Variants in MACF1 observed in about 807,000 individuals in gnomAD.
The protein encoded by MACF1 is microtubule actin crosslinking factor 1, also known as microtubule-actin cross-linking factor 1.
A neutral mutation model predicts 854.8 loss-of-function variants in MACF1; 193 were observed. The ratio of observed to expected loss-of-function variants is 0.23; its 90% CI spans 0.20 to 0.25. The LOEUF (loss-of-function observed/expected upper bound fraction) is 0.25, where lower values mean the gene tolerates loss of function less well. Among genes scored for constraint, MACF1 ranks in the 10% least tolerant of loss-of-function variants. The probability of loss-of-function intolerance (pLI) is 1.00; values close to 1 mark genes in which losing one functional copy is unlikely to be tolerated. For synonymous variants in MACF1, 3,185 were observed against 3,226.7 expected (o/e 0.99, Z 0.44); for missense variants, 7,722 against 8,929.1 (o/e 0.86, Z 5.45).
intron 58 of MACF1, among the ~76,000 whole-genome samples, chr1:39,418,846 G>A (rs1003913383): frequency 4.6e-5 from 7 of 151,434 alleles, no homozygotes; most frequent in African/African-American, 9.7e-5. Context: ...CTGGGCAACA[G>A]TGTGAGACCC....
At chr1:39,103,885 C>T (rs1366711917) in intron 2 of MACF1, among the ~76,000 whole-genome samples, 1 of 152,204 alleles carries the variant, frequency 6.6e-6, no homozygotes, top group Non-Finnish European at 1.5e-5. Flanking sequence ...AAACAACCAG[C>T]ATGCACCTAT....
Position 39,324,322 on chromosome 1 carries a change from G to A in MACF1, c.4366G>A (p.Glu1456Lys). 6.2e-7 allele frequency: 1 copy of A among 1,613,706 alleles called. No homozygotes were observed. Among genetic ancestry groups the A allele is most frequent in the Non-Finnish European group, 8.5e-7 (1 of 1,179,822 alleles). Residue 1456 changes from glutamate to lysine, a missense_variant, in exon 34 of 101, where the codon GAA becomes AAA. By Grantham distance (56) the Glu-to-Lys change is moderately conservative. Transcript: ENST00000564288. ...CGAGACCAAAGAATCAACAGACATT[G>A]AAAAAGCTATTTTGGAACAGCAGGT... Reference protein sequence around the residue: ...SSETKESTDIEKAILEQQVLS... With the variant: ...SSETKESTDIKKAILEQQVLS...
intron 66 of MACF1, among the ~76,000 whole-genome samples, chr1:39,431,289 G>GAATCAAGAACTCT (rs144853034): frequency 6.6e-6 from 1 of 151,858 alleles, no homozygotes; most frequent in African/African-American, 2.4e-5. Flanking sequence ...GAGGGGGAAG[G>GAATCAAGAACTCT]AATTACTATC....
chr1:39,391,004 G>T (rs964480173), intron 58 of MACF1, among the ~76,000 whole-genome samples: 1 of 151,828 alleles, frequency 6.6e-6, no homozygotes, highest in Non-Finnish European at 1.5e-5. Flanking sequence ...CCAGCTACTC[G>T]GGAGGCTGAG....
chr1:39,216,696 C>A (rs1394534062), intron 1 of MACF1, among the ~76,000 whole-genome samples: 2 of 150,266 alleles, frequency 1.3e-5, no homozygotes, highest in Non-Finnish European at 3.0e-5. Flanking sequence ...TTTTATCTTT[C>A]CTGTATCATT....
At position 39,171,861 on chromosome 1, in the gene MACF1, C is replaced by T. The variant is rs192778074; in HGVS notation, c.221-59321C>T. On this transcript the variant is annotated intron_variant, in intron 2 of 93. Coordinates refer to the MACF1 transcript ENST00000361689. ...TAGGATGGTCTCGATCTCCTGACCT[C>T]GTGATCCGCCCGCCTCAGCCTCTCA... 1.2e-3 allele frequency among the ~76,000 whole-genome samples: 189 copies of T among 152,246 alleles called. 5 individuals are homozygous for T. The East Asian group carries it at 0.033, about 27-fold the overall frequency.
intron 99 of MACF1, among the ~76,000 whole-genome samples, chr1:39,483,095 A>G (rs1478208421): frequency 1.4e-5 from 2 of 141,218 alleles, no homozygotes; most frequent in East Asian, 2.9e-4. Flanking sequence ...TCAAAAAAAA[A>G]AAAAAAAAAA....
intron 70 of MACF1, chr1:39,436,602 A>T: frequency 1.0e-6 from 1 of 999,492 alleles, no homozygotes; most frequent in Non-Finnish European, 1.6e-6. Flanking sequence ...TAATTAGTGC[A>T]GTTTATTATG....
chr1:39,443,599 G>A (rs781464151), intron 79 of MACF1, 25 bp downstream of exon 79: 4 of 1,580,844 alleles, frequency 2.5e-6, no homozygotes, highest in Non-Finnish European at 2.6e-6. Flanking sequence ...TTGAAATTGA[G>A]CATAAGCATC....
chr1:39,380,424 G>A, intron 55 of MACF1, 51 bp downstream of exon 55: 1 of 1,549,044 alleles, frequency 6.5e-7, no homozygotes, highest in East Asian at 2.3e-5. Flanking sequence ...TGTCTTCAAA[G>A]CAAGTAGAGA....
chr1:39,281,838 A>G (rs1447260464), intron 6 of MACF1, among the ~76,000 whole-genome samples: 1 of 152,182 alleles, frequency 6.6e-6, no homozygotes, highest in South Asian at 2.1e-4. Flanking sequence ...TATATTTCTG[A>G]TGACTTCCTA....
intron 28 of MACF1, among the ~76,000 whole-genome samples, 161 bp downstream of exon 28, chr1:39,316,690 G>C (rs1646417114): frequency 6.6e-6 from 1 of 152,188 alleles, no homozygotes; most frequent in South Asian, 2.1e-4. Flanking sequence ...AAGAAGAAGG[G>C]ACTGAGAAGT....
Position 39,357,837 on chromosome 1 carries a change from T to C in MACF1, c.11887T>C (p.Leu3963=). The C allele has an allele frequency of 1.9e-6, 3 of 1,614,064 alleles. No homozygotes were observed. The highest frequency in any genetic ancestry group is 2.5e-6 in the Non-Finnish European group (3 of 1,180,006). Residue 3963 remains leucine (L), a synonymous_variant, in exon 45 of 101, where the codon TTA becomes CTA. Transcript: ENST00000564288. ...EGKEPSEIGN[L]VKDKLKDATE... ...CAAAGAACCATCAGAAATTGGAAAC[T>C]TAGTAAAGGACAAGTTGAAGGATGC... is the stretch of plus-strand genomic sequence containing the variant.
rs1645044760 is a variant in MACF1, at chr1:39,251,981, G to T, written c.357+40G>T. On this transcript the variant is annotated intron_variant, in intron 4 of 100. Coordinates refer to ENST00000564288, the MANE Select transcript of MACF1 (RefSeq NM_001394062.1). ...GGATGCCAGCATCCCAGCTGGCACT[G>T]CTGGCACTGCAGGGCCATCAGAGTC... 7 of 1,396,830 alleles carry T rather than the reference G, an allele frequency of 5.0e-6. No homozygotes were observed. In the Admixed American group the frequency reaches 7.2e-5, roughly 14 times the overall value. 86.5% of individuals were successfully genotyped at this position (1,396,830 alleles called of 1,614,324 possible).
chr1:39,257,966 A>G lies in MACF1; in HGVS notation c.466A>G (p.Ile156Val), dbSNP rs748651918. Reference sequence around the variant, plus strand: ...ACTAGTGAATATTCGCAATGATGACATCACAGATGGCAACCCCAAGTTGAC... The same window carrying G: ...ACTAGTGAATATTCGCAATGATGACGTCACAGATGGCAACCCCAAGTTGAC... ...VKLVNIRNDDITDGNPKLTLG... is the reference protein window; with the variant it reads ...VKLVNIRNDDVTDGNPKLTLG... The change falls in exon 6 of 101, where the codon ATC (isoleucine) becomes GTC (valine). Residue 156 changes from isoleucine to valine, a missense_variant. Around this residue, in one of 15 missense-constraint regions of MACF1, gnomAD observed 108 missense variants for 196.4 expected, o/e 0.55. Coordinates refer to ENST00000564288, the MANE Select transcript of MACF1 (RefSeq NM_001394062.1). 2.5e-6 allele frequency: 4 copies of G among 1,614,110 alleles called. No individual in the cohort carries two copies. In the South Asian group the frequency reaches 4.4e-5, roughly 18 times the overall value.
chr1:39,230,640 G>T (rs973265504), intron 1 of MACF1, among the ~76,000 whole-genome samples: 5 of 152,036 alleles, frequency 3.3e-5, no homozygotes, highest in Non-Finnish European at 7.4e-5. Flanking sequence ...GGAGAAGGTA[G>T]AGAGGGAAGA....
At chr1:39,282,483 TCA>T in intron 7 of MACF1, 109 bp downstream of exon 7, 4 of 1,196,068 alleles carry the variant, frequency 3.3e-6, no homozygotes, top group Middle Eastern at 2.2e-4. Flanking sequence ...AAGCTTTGAT[TCA>T]TTTGTTCATT....
chr1:39,288,871 G>GT (rs1645709121), intron 15 of MACF1, among the ~76,000 whole-genome samples: 1 of 152,140 alleles, frequency 6.6e-6, no homozygotes, highest in Non-Finnish European at 1.5e-5. Context: ...CAGATGCTAG[G>GT]TATTATTCAT....
rs1266244856 is a variant in MACF1 at position 39,437,992 on chromosome 1, G to C, written c.18204G>C (p.Lys6068Asn). ...TTGGACGATCTCAGGGAGCAGACAA[G>C]GATCTGGCTGCAAAAGGTGCTTGAT... is the stretch of plus-strand genomic sequence containing the variant. The part of the protein sequence containing the change: ...ELIGRSQGAD[K>N]DLAAKEIQDK... Residue 6068 changes from lysine to asparagine, a missense_variant, in exon 71 of 101, where the codon AAG becomes AAC. Transcript: ENST00000564288. 1 of 1,613,960 alleles carries C rather than the reference G, an allele frequency of 6.2e-7. No homozygotes were observed. The highest frequency in any genetic ancestry group is 2.2e-5 in the East Asian group (1 of 44,878).
Sources: allele counts gnomAD v4.1 joint callset (sites outside exome capture counted in the v4.1 genomes callset), GRCh38; gene constraint gnomAD v4.1.1; regional missense constraint gnomAD v4.1.1; transcripts MANE v1.5; gene names NCBI Gene and HGNC (gene_info 2026-07-23, HGNC 2026-07-21).